The following TTR variants were observed in gnomAD, a reference collection of about 807,000 sequenced individuals.
TTR encodes epididymis luminal protein 111.
In TTR, 8 loss-of-function variants were observed where a neutral mutation model predicts 13.7. The ratio of observed to expected loss-of-function variants is 0.58; its 90% CI spans 0.34 to 1.05. The LOEUF (loss-of-function observed/expected upper bound fraction) is 1.05. Among genes scored for constraint, TTR ranks in the 50% least tolerant of loss-of-function variants. TTR has a pLI of 0.02. For synonymous variants in TTR, 75 were observed against 71.7 expected (o/e 1.05, Z -0.23); for missense variants, 135 against 185.5 (o/e 0.73, Z 1.58).
Position 31,595,258 on chromosome 18 carries a change from G to C in TTR, c.336+3G>C. 6.2e-7 allele frequency: 1 copy of C among 1,614,176 alleles called. No individual in the cohort carries two copies. Among genetic ancestry groups the C allele is most frequent in the Non-Finnish European group, 8.5e-7 (1 of 1,180,020 alleles). On this transcript the variant is annotated splice_donor_region_variant and intron_variant, in intron 3 of 3. Coordinates refer to ENST00000237014, the MANE Select transcript of TTR (RefSeq NM_000371.4). ...CCCCATTCCATGAGCATGCAGAGGT[G>C]AGTATACAGACCTTCGAGGGTTGTT...
intron 3 of TTR, among the ~76,000 whole-genome samples, chr18:31,597,548 A>C (rs544717430): frequency 6.6e-6 from 1 of 152,132 alleles, no homozygotes; most frequent in Non-Finnish European, 1.5e-5. Flanking sequence ...TGTTTTTGGT[A>C]TGGCTCACTC....
chr18:31,598,464 A>C (rs1567946901), intron 3 of TTR, 104 bp from the exon 4 acceptor site: 1 of 1,094,542 alleles, frequency 9.1e-7, no homozygotes, highest in Non-Finnish European at 1.4e-6. Context: ...TAAAAGAATA[A>C]AATTAATTAA....
intron 3 of TTR, chr18:31,597,193 C>T (rs1667250): frequency 0.036 from 5,529 of 152,078 alleles, 263 homozygotes; most frequent in South Asian, 0.11. Flanking sequence ...TACAGGTGTG[C>T]GCCACCACAC....
chr18:31,593,003 C>T lies in TTR; in HGVS notation c.177C>T (p.Asp59=). Residue 59 remains aspartate, a synonymous_variant, in exon 2 of 4, where the codon GAC becomes GAT. Coordinates refer to ENST00000237014, the MANE Select transcript of TTR (RefSeq NM_000371.4). The stretch of plus-strand genomic sequence containing the variant: ...ATGTGTTCAGAAAGGCTGCTGATGA[C>T]ACCTGGGAGCCATTTGCCTCTGGGT... ...AVHVFRKAAD[D]TWEPFASGKT... 6.2e-7 allele frequency: 1 copy of T among 1,614,064 alleles called. No individual in the cohort carries two copies. The highest frequency in any genetic ancestry group is 1.3e-5 in the African/African-American group (1 of 75,044).
intron 3 of TTR, chr18:31,598,008 A>T (rs2073525048): frequency 5.3e-6 from 1 of 188,650 alleles, no homozygotes; most frequent in Non-Finnish European, 1.1e-5. Flanking sequence ...ATGTTAGAAA[A>T]TGCAAAGAAT....
chr18:31,593,345 C>A, intron 2 of TTR: 1 of 340,856 alleles, frequency 2.9e-6, no homozygotes, highest in Non-Finnish European at 5.7e-6. Context: ...CATTCTATGC[C>A]CAGAAAAAAT....
intron 2 of TTR, chr18:31,593,345 C>T: frequency 2.9e-6 from 1 of 340,858 alleles, no homozygotes; most frequent in South Asian, 2.6e-5. Context: ...CATTCTATGC[C>T]CAGAAAAAAT....
intron 3 of TTR, chr18:31,595,785 G>A: frequency 3.6e-6 from 1 of 275,102 alleles, no homozygotes; most frequent in Non-Finnish European, 7.1e-6. Flanking sequence ...AATTATAAGT[G>A]TTTTCCATAT....
In TTR at chr18:31,592,991, G is replaced by A; in HGVS notation, c.165G>A (p.Lys55=). The part of the protein sequence containing the change: ...AINVAVHVFR[K]AADDTWEPFA... ...ATGTGGCCGTGCATGTGTTCAGAAA[G>A]GCTGCTGATGACACCTGGGAGCCAT... The change falls in exon 2 of 4, where the codon AAG becomes AAA. Residue 55 remains lysine (K), a synonymous_variant. Coordinates refer to ENST00000237014, the MANE Select transcript of TTR (RefSeq NM_000371.4). The A allele has an allele frequency of 6.2e-7, 1 of 1,614,070 alleles. No individual in the cohort carries two copies. The highest frequency in any genetic ancestry group is 8.5e-7 in the Non-Finnish European group (1 of 1,179,972).
intron 2 of TTR, among the ~76,000 whole-genome samples, chr18:31,594,855 ACT>A (rs2073508154): frequency 6.6e-6 from 1 of 150,720 alleles, no homozygotes; most frequent in Non-Finnish European, 1.5e-5. Flanking sequence ...CAAGAGTAAA[ACT>A]CTGTCTCAAA....
At chr18:31,592,364 G>T (rs557213190) in intron 1 of TTR, among the ~76,000 whole-genome samples, 1 of 152,176 alleles carries the variant, frequency 6.6e-6, no homozygotes, top group African/African-American at 2.4e-5. Flanking sequence ...TATTCAAAAC[G>T]TATTTATTGA....
At position 31,596,542 on chromosome 18, in the gene TTR, G is replaced by A. The variant is rs2073517576; in HGVS notation, c.336+1287G>A. Among the ~76,000 whole-genome samples the A allele has an allele frequency of 2.0e-5, 3 of 152,090 alleles. No individual in the cohort carries two copies. In the South Asian group the frequency reaches 6.2e-4, roughly 32 times the overall value. ...CTACCTGAGACTGTTGTTTGCCCAA[G>A]AGCTGGGTCTCAGCCTGATGGGAAC... On this transcript the variant is annotated intron_variant, in intron 3 of 3. Transcript: ENST00000237014.
At chr18:31,598,459 G>C (rs760760725) in intron 3 of TTR, 109 bp from the exon 4 acceptor site, 7 of 1,064,212 alleles carry the variant, frequency 6.6e-6, no homozygotes, top group Non-Finnish European at 1.0e-5. Context: ...AAATATAAAA[G>C]AATAAAATTA....
chr18:31,594,080 G>A (rs2073502657), intron 2 of TTR, among the ~76,000 whole-genome samples: 1 of 152,038 alleles, frequency 6.6e-6, no homozygotes, highest in Non-Finnish European at 1.5e-5. Context: ...TATTCTAAGG[G>A]AGAGACAGAA....
chr18:31,597,813 T>C (rs1227931828), intron 3 of TTR, among the ~76,000 whole-genome samples: 1 of 152,228 alleles, frequency 6.6e-6, no homozygotes. Flanking sequence ...ACTGTGTGAC[T>C]ATCTGGAACA....
At chr18:31,597,691 T>C (rs964047546) in intron 3 of TTR, among the ~76,000 whole-genome samples, 3 of 152,190 alleles carry the variant, frequency 2.0e-5, no homozygotes, top group African/African-American at 4.8e-5. Context: ...ATTAAACACA[T>C]CTTTACTGTC....
chr18:31,598,315 G>T (rs1434885715), intron 3 of TTR, among the ~76,000 whole-genome samples: 1 of 152,014 alleles, frequency 6.6e-6, no homozygotes. Flanking sequence ...GTCAAGCTAG[G>T]GTCATCCTGA....
intron 2 of TTR, chr18:31,593,463 T>C (rs775113336): frequency 4.5e-5 from 11 of 243,532 alleles, no homozygotes; most frequent in Non-Finnish European, 8.1e-5. Context: ...CTTAGAATTT[T>C]AGGAAAAGGT....
At chr18:31,593,847 C>G (rs1432399990) in intron 2 of TTR, among the ~76,000 whole-genome samples, 1 of 152,162 alleles carries the variant, frequency 6.6e-6, no homozygotes, top group Non-Finnish European at 1.5e-5. Flanking sequence ...ACAGAGCAAT[C>G]AGGAGACCCT....
Sources: allele counts gnomAD v4.1 joint callset (sites outside exome capture counted in the v4.1 genomes callset), GRCh38; gene constraint gnomAD v4.1.1; transcripts MANE v1.5; gene names NCBI Gene and HGNC (gene_info 2026-07-23, HGNC 2026-07-21).